Variants in CAST observed in about 807,000 individuals in gnomAD.
CAST encodes the protein calpastatin, also known as MIR583 host.
Under a neutral mutation model 119.6 loss-of-function variants are expected in CAST, and 76 were observed. The ratio of observed to expected loss-of-function variants is 0.64; its 90% CI spans 0.53 to 0.77. CAST has a LOEUF of 0.77. CAST is among the 30% of genes least tolerant of loss of function. The pLI is 0.00. For synonymous variants in CAST, 319 were observed against 331.6 expected, an observed-to-expected ratio of 0.96 and a Z score of 0.41; for missense variants, 953 against 946.5, an observed-to-expected ratio of 1.01 and a Z score of -0.09.
At chr5:96,340,098 G>T in the CAST span, among the ~76,000 whole-genome samples, 3 of 152,316 alleles carry the variant, frequency 2.0e-5, no homozygotes, top group Admixed American at 6.5e-5. Context: ...TAAGCAGTCA[G>T]TATTAAGAGA....
chr5:96,763,267 C>T (rs80142466), intron 25 of CAST: 38 of 780,566 alleles, frequency 4.9e-5, no homozygotes, highest in Admixed American at 1.0e-4. Context: ...AAGCCCAGAC[C>T]TGGCCCCGGG....
the CAST span, among the ~76,000 whole-genome samples, chr5:96,349,504 T>C: frequency 6.6e-6 from 1 of 152,184 alleles, no homozygotes; most frequent in Non-Finnish European, 1.5e-5. Context: ...TCAAGAGGCC[T>C]AATTGTTATC....
At chr5:96,276,422 A>G in the CAST span, among the ~76,000 whole-genome samples, 5 of 152,162 alleles carry the variant, frequency 3.3e-5, no homozygotes, top group Non-Finnish European at 5.9e-5. Flanking sequence ...CTTTTTACAT[A>G]TGTTATTTTA....
chr5:96,684,009 C>CA (rs1204951754), intron 2 of CAST, among the ~76,000 whole-genome samples: 1 of 152,190 alleles, frequency 6.6e-6, no homozygotes, highest in Non-Finnish European at 1.5e-5. Flanking sequence ...AGTTAACCTG[C>CA]TATTGATCTG....
rs529634784 is a variant in CAST, at chr5:96,544,460, G to T, written c.60+14580G>T. ...GGAAGGACTAGAATGACTTGTTGAT[G>T]ATGACTCTTTGGGATTTTTTATATA... On this transcript the variant is annotated intron_variant, in intron 1 of 11. Transcript: ENST00000505143. Among the ~76,000 whole-genome samples, 16 of 152,240 alleles carry T rather than the reference G, an allele frequency of 1.1e-4. 2 individuals carry two copies. Among genetic ancestry groups the T allele is most frequent in the African/African-American group, 3.8e-4 (16 of 41,564 alleles).
At chr5:96,202,536 TTGTTA>T in the CAST span, among the ~76,000 whole-genome samples, 2 of 152,096 alleles carry the variant, frequency 1.3e-5, no homozygotes, top group African/African-American at 4.8e-5. Context: ...TAATTTTGCT[TTGTTA>T]TAAGACAAAA....
upstream of CAST, among the ~76,000 whole-genome samples, chr5:96,526,463 G>C (rs1229604537): frequency 1.3e-5 from 2 of 152,112 alleles, no homozygotes; most frequent in Non-Finnish European, 2.9e-5. Flanking sequence ...ACTAATAAAA[G>C]TTTTCTTTAT....
chr5:96,113,829 C>T, the CAST span, among the ~76,000 whole-genome samples: 2 of 152,204 alleles, frequency 1.3e-5, no homozygotes, highest in African/African-American at 4.8e-5. Flanking sequence ...TCCTTGATGA[C>T]TCCAGAGATG....
chr5:96,371,292 G>T, the CAST span, among the ~76,000 whole-genome samples: 1 of 152,156 alleles, frequency 6.6e-6, no homozygotes, highest in Non-Finnish European at 1.5e-5. Flanking sequence ...TTCCAGAAAG[G>T]TCATCATTAA....
At chr5:96,702,352 T>G (rs1269602776) in intron 3 of CAST, among the ~76,000 whole-genome samples, 1 of 152,202 alleles carries the variant, frequency 6.6e-6, no homozygotes, top group African/African-American at 2.4e-5. Flanking sequence ...ATTCTAATTT[T>G]GAAGTTTGTA....
At chr5:96,615,257 T>G (rs989678887) in intron 1 of CAST, among the ~76,000 whole-genome samples, 6 of 152,234 alleles carry the variant, frequency 3.9e-5, no homozygotes, top group Non-Finnish European at 8.8e-5. Flanking sequence ...GTGTATTAAG[T>G]GCATTTTTGA....
the CAST span, chr5:96,391,178 C>T: frequency 6.6e-6 from 1 of 152,186 alleles, no homozygotes; most frequent in Non-Finnish European, 1.5e-5. Context: ...TTTAGGAGAA[C>T]ATTCTCTAAG....
the CAST span, among the ~76,000 whole-genome samples, chr5:96,406,831 T>C: frequency 1.3e-5 from 2 of 152,240 alleles, no homozygotes; most frequent in Non-Finnish European, 2.9e-5. Context: ...TAATCACTTC[T>C]TCTAATATGC....
intron 1 of CAST, among the ~76,000 whole-genome samples, chr5:96,665,824 TACAC>T (rs1749263945): frequency 1.3e-5 from 2 of 152,032 alleles, no homozygotes; most frequent in African/African-American, 2.4e-5. Context: ...TTATATATAA[TACAC>T]ACATGCATGT....
chr5:96,750,502 C>T lies in CAST; in HGVS notation c.1429-85C>T, dbSNP rs144899501. ...ATCATGTTCACACCATATAATGTAG[C>T]GGAGTGTCTTGTTGGTCTACCATTA... On this transcript the variant is annotated intron_variant, in intron 19 of 31. Transcript: ENST00000675179. 174 of 770,224 alleles carry T rather than the reference C, an allele frequency of 2.3e-4. No individual in the cohort carries two copies. The Admixed American group carries it at 2.6e-3, about 11-fold the overall frequency. 47.7% of individuals were successfully genotyped at this position (770,224 alleles called of 1,614,324 possible). A position where few individuals can be genotyped will look rare whatever the true frequency, so the allele number is the denominator to read the frequency against.
chr5:96,190,226 G>A, the CAST span, among the ~76,000 whole-genome samples: 1 of 152,178 alleles, frequency 6.6e-6, no homozygotes, highest in South Asian at 2.1e-4. Flanking sequence ...TTTTCAGGCA[G>A]CTCATTCAGT....
At chr5:96,770,851 C>T (rs570265328) in intron 30 of CAST, among the ~76,000 whole-genome samples, 2 of 152,216 alleles carry the variant, frequency 1.3e-5, no homozygotes, top group African/African-American at 4.8e-5. Flanking sequence ...TTTTGCCTGT[C>T]TTTCTTGCCC....
At chr5:96,156,482 G>A in the CAST span, among the ~76,000 whole-genome samples, 1 of 152,100 alleles carries the variant, frequency 6.6e-6, no homozygotes, top group African/African-American at 2.4e-5. Context: ...AGTATAAGAT[G>A]GGTGATCCTA....
chr5:96,749,670 C>G (rs993356677), intron 19 of CAST, among the ~76,000 whole-genome samples: 1 of 152,180 alleles, frequency 6.6e-6, no homozygotes, highest in African/African-American at 2.4e-5. Context: ...CCTCAGCCTC[C>G]TGAGTAGCTG....
Sources: allele counts gnomAD v4.1 joint callset (sites outside exome capture counted in the v4.1 genomes callset), GRCh38; gene constraint gnomAD v4.1.1; transcripts MANE v1.5; gene names NCBI Gene and HGNC (gene_info 2026-07-23, HGNC 2026-07-21).